PRMT3: variants seen among roughly 807,000 people sequenced by gnomAD.
The protein encoded by PRMT3 is protein arginine N-methyltransferase 3.
A neutral mutation model predicts 71.9 loss-of-function variants in PRMT3; 62 were observed. The ratio of observed to expected loss-of-function variants is 0.86; its 90% CI spans 0.70 to 1.07. PRMT3 has a LOEUF of 1.07. PRMT3 is among the 50% of genes least tolerant of loss of function. PRMT3 has a pLI of 0.00. For synonymous variants in PRMT3, 213 were observed against 220.4 expected (o/e 0.97, Z 0.30); for missense variants, 663 against 643.0 (o/e 1.03, Z -0.34).
intron 9 of PRMT3, among the ~76,000 whole-genome samples, chr11:20,417,490 T>G (rs1849332731): frequency 6.6e-6 from 1 of 152,206 alleles, no homozygotes; most frequent in African/African-American, 2.4e-5. Flanking sequence ...TTTATGCTGT[T>G]TGCTTGTCTG....
chr11:20,508,962 C>T lies in PRMT3; in HGVS notation c.*549C>T, dbSNP rs373171875. The T allele has an allele frequency of 3.0e-5, 5 of 165,948 alleles. No homozygotes were observed. In the East Asian group the frequency reaches 8.0e-4, roughly 27 times the overall value. The allele number at this position is 165,948 out of a possible 1,614,324, so 10.3% of individuals were successfully genotyped here. On this transcript the variant is annotated 3_prime_UTR_variant, in exon 16 of 16. Coordinates refer to ENST00000331079, the MANE Select transcript of PRMT3 (RefSeq NM_005788.4). ...ATATACAAATCATATATGCAGACAG[C>T]CTAGTTGATTATCTAGCATACTTAG...
chr11:20,453,369 G>C (rs555142674), intron 11 of PRMT3, among the ~76,000 whole-genome samples: 1 of 150,448 alleles, frequency 6.6e-6, no homozygotes, highest in South Asian at 2.1e-4. Flanking sequence ...TTGGTGGCAG[G>C]TGCCTATAGT....
At chr11:20,427,834 T>A (rs1020150575) in intron 10 of PRMT3, among the ~76,000 whole-genome samples, 3 of 141,988 alleles carry the variant, frequency 2.1e-5, no homozygotes, top group African/African-American at 7.6e-5. Context: ...TTTGAAATAA[T>A]TTTTTTCCTT....
rs1332372470 is a variant in PRMT3, at chr11:20,504,707, T to TGTGAGAGAGAGAGAGAGAGAGAGA, written c.1487-3596_1487-3595insTGAGAGAGAGAGAGAGAGAGAGAG. ...TATTGTATGTGTGTGTGTGTGTGTGTGAGAGAGAGAGAGAGAGAGAGAGAG... is the reference window on the plus strand; with the variant it reads ...TATTGTATGTGTGTGTGTGTGTGTGTGTGAGAGAGAGAGAGAGAGAGAGAGAGAGAGAGAGAGAGAGAGAGAGAG... On this transcript the variant is annotated intron_variant, in intron 15 of 15. Coordinates refer to ENST00000331079, the MANE Select transcript of PRMT3 (RefSeq NM_005788.4). 4.5e-4 allele frequency among the ~76,000 whole-genome samples: 60 copies of TGTGAGAGAGAGAGAGAGAGAGAGA among 133,614 alleles called. 1 individual carries two copies. The highest frequency in any genetic ancestry group is 1.7e-3 in the African/African-American group (55 of 33,098). The allele number at this position is 133,614 out of a possible 152,430, so 87.7% of individuals were successfully genotyped here. A position where few individuals can be genotyped will look rare whatever the true frequency, so the allele number is the denominator to read the frequency against.
chr11:20,399,533 A>G (rs1848903442), intron 7 of PRMT3, among the ~76,000 whole-genome samples: 1 of 152,232 alleles, frequency 6.6e-6, no homozygotes, highest in Admixed American at 6.5e-5. Flanking sequence ...TAATTTTTTT[A>G]TGTTTAGAGT....
intron 15 of PRMT3, among the ~76,000 whole-genome samples, chr11:20,497,318 A>G (rs568196991): frequency 6.6e-6 from 1 of 152,278 alleles, no homozygotes; most frequent in South Asian, 2.1e-4. Context: ...TGTGATGCAA[A>G]TGTTGCCTGC....
At chr11:20,396,706 A>C (rs6483669) in intron 6 of PRMT3, among the ~76,000 whole-genome samples, 2 of 152,058 alleles carry the variant, frequency 1.3e-5, no homozygotes, top group African/African-American at 4.8e-5. Flanking sequence ...CCAGATATAC[A>C]GTGACAGTTT....
At chr11:20,485,722 T>C (rs191569536) in intron 13 of PRMT3, among the ~76,000 whole-genome samples, 1 of 152,304 alleles carries the variant, frequency 6.6e-6, no homozygotes, top group East Asian at 1.9e-4. Flanking sequence ...TACATATACA[T>C]GTAAATGGGC....
At chr11:20,402,437 T>G (rs1037679057) in intron 7 of PRMT3, among the ~76,000 whole-genome samples, 1 of 151,786 alleles carries the variant, frequency 6.6e-6, no homozygotes, top group African/African-American at 2.4e-5. Flanking sequence ...TTATTTCTAT[T>G]TTTTTTTGGA....
chr11:20,445,179 A>G (rs1009610041), intron 10 of PRMT3, among the ~76,000 whole-genome samples: 6 of 152,088 alleles, frequency 3.9e-5, no homozygotes, highest in Non-Finnish European at 8.8e-5. Context: ...AATTTTTTAA[A>G]AAAAATCAGT....
At chr11:20,457,369 T>A (rs185839717) in intron 11 of PRMT3, among the ~76,000 whole-genome samples, 5 of 152,298 alleles carry the variant, frequency 3.3e-5, no homozygotes, top group Admixed American at 2.6e-4. Context: ...ATGGAAAGCA[T>A]ATGGATTTCA....
chr11:20,466,268 A>G (rs1297842025), intron 13 of PRMT3, among the ~76,000 whole-genome samples: 1 of 152,176 alleles, frequency 6.6e-6, no homozygotes, highest in Non-Finnish European at 1.5e-5. Context: ...AACAGACAGT[A>G]TTTTCAACTT....
At chr11:20,497,743 CCAAGG>C (rs1401220468) in intron 15 of PRMT3, among the ~76,000 whole-genome samples, 6 of 152,132 alleles carry the variant, frequency 3.9e-5, no homozygotes, top group Non-Finnish European at 8.8e-5. Context: ...CAAATGTGTA[CCAAGG>C]AGTTCTCAGT....
At chr11:20,389,673 A>G (rs554347573) in intron 2 of PRMT3, 71 bp from the exon 3 acceptor site, 14 of 1,008,590 alleles carry the variant, frequency 1.4e-5, no homozygotes, top group African/African-American at 8.2e-5. Flanking sequence ...AAAAAAGTGT[A>G]TATGTAACAT....
At chr11:20,432,173 G>T (rs759291446) in intron 10 of PRMT3, among the ~76,000 whole-genome samples, 1 of 151,892 alleles carries the variant, frequency 6.6e-6, no homozygotes. Context: ...ATATTAAAAG[G>T]TTAAGTTATT....
chr11:20,485,962 G>A (rs1851061679), intron 13 of PRMT3, among the ~76,000 whole-genome samples: 1 of 152,176 alleles, frequency 6.6e-6, no homozygotes, highest in South Asian at 2.1e-4. Context: ...TAATTCAAAT[G>A]TCTATCACCT....
chr11:20,448,358 A>G (rs1278700677), intron 10 of PRMT3, among the ~76,000 whole-genome samples: 3 of 152,150 alleles, frequency 2.0e-5, no homozygotes, highest in South Asian at 2.1e-4. Flanking sequence ...TTCTGTCTAC[A>G]GTGAATGTTA....
At chr11:20,508,122 C>T (rs924802110) in intron 15 of PRMT3, among the ~76,000 whole-genome samples, 182 bp from the exon 16 acceptor site, 2 of 143,826 alleles carry the variant, frequency 1.4e-5, no homozygotes, top group African/African-American at 5.1e-5. Context: ...CGCACTCCAG[C>T]CTGGGTGACA....
intron 10 of PRMT3, among the ~76,000 whole-genome samples, chr11:20,432,609 C>T (rs1849677909): frequency 6.6e-6 from 1 of 152,014 alleles, no homozygotes. Context: ...TATAATAGTT[C>T]TATTTTTAGT....
Sources: gnomAD v4.1 joint callset for allele counts (sites outside exome capture counted in the v4.1 genomes callset) on GRCh38, gnomAD v4.1.1 for gene constraint, MANE v1.5 for transcripts, NCBI Gene and HGNC (gene_info 2026-07-23, HGNC 2026-07-21) for gene names.